Variants in COL19A1 observed in about 807,000 individuals in gnomAD.
The protein encoded by COL19A1 is collagen alpha-1(XIX) chain.
In COL19A1, 159 loss-of-function variants were observed where a neutral mutation model predicts 190.2. The ratio of observed to expected loss-of-function variants is 0.84; its 90% CI spans 0.73 to 0.95. The LOEUF is 0.95. Among genes scored for constraint, COL19A1 ranks in the 40% least tolerant of loss-of-function variants. COL19A1 has a pLI of 0.00. For missense variants in COL19A1, 1,418 were observed against 1,431.9 expected (o/e 0.99, Z 0.16); for synonymous variants, 509 against 458.9 (o/e 1.11, Z -1.39).
intron 9 of COL19A1, among the ~76,000 whole-genome samples, chr6:69,958,726 A>T (rs1268601443): frequency 2.0e-5 from 3 of 152,142 alleles, no homozygotes; most frequent in Non-Finnish European, 4.4e-5. Flanking sequence ...CAATCTTTAA[A>T]ATAATATGTG....
rs1468033059 is a variant in COL19A1, at chr6:70,039,759, TG to T, written c.1170+3821del. ...CTTTATGATGTTTTTGGGGAAGTAT[TG>T]TTTTTTTTTTTTTTTCTTTTGAGAC... On this transcript the variant is annotated intron_variant, in intron 14 of 50. Transcript: ENST00000620364. Among the ~76,000 whole-genome samples the T allele has an allele frequency of 5.2e-4, 74 of 142,026 alleles. 1 individual carries two copies. Among genetic ancestry groups the T allele is most frequent in the Middle Eastern group, 3.5e-3 (1 of 284 alleles). The allele number at this position is 142,026 out of a possible 152,430, so 93.2% of individuals were successfully genotyped here.
intron 34 of COL19A1, among the ~76,000 whole-genome samples, chr6:70,161,593 T>C (rs923266810): frequency 2.0e-5 from 3 of 152,060 alleles, no homozygotes; most frequent in African/African-American, 7.2e-5. Flanking sequence ...AGGCGAGGTG[T>C]GAAGGATGAA....
intron 15 of COL19A1, chr6:70,098,658 C>T: frequency 3.2e-6 from 1 of 309,324 alleles, no homozygotes. Flanking sequence ...CAACACTTTT[C>T]AAACGATGGC....
intron 2 of COL19A1, among the ~76,000 whole-genome samples, chr6:69,892,172 T>A (rs1396177030): frequency 6.6e-6 from 1 of 152,118 alleles, no homozygotes; most frequent in Non-Finnish European, 1.5e-5. Context: ...AACCTCCGAG[T>A]GGTGGGTATC....
At chr6:70,115,976 C>T (rs1043960774) in intron 16 of COL19A1, among the ~76,000 whole-genome samples, 3 of 151,758 alleles carry the variant, frequency 2.0e-5, no homozygotes, top group Admixed American at 6.6e-5. Context: ...AAAAAAATTT[C>T]ATTTTGAGTA....
intron 46 of COL19A1, 72 bp from the exon 47 acceptor site, chr6:70,188,003 C>T: frequency 1.3e-6 from 2 of 1,562,482 alleles, no homozygotes; most frequent in Admixed American, 3.8e-5. Context: ...CAGTATGAAT[C>T]CAGAACTTTT....
intron 11 of COL19A1, 114 bp from the exon 12 acceptor site, chr6:70,023,513 G>C: frequency 1.3e-6 from 1 of 786,220 alleles, no homozygotes; most frequent in Non-Finnish European, 2.0e-6. Context: ...TGCCTTTCAA[G>C]GGTTTAGCAA....
At chr6:70,016,342 T>G (rs1481032401) in intron 11 of COL19A1, among the ~76,000 whole-genome samples, 2 of 85,716 alleles carry the variant, frequency 2.3e-5, no homozygotes, top group Non-Finnish European at 4.1e-5. Context: ...AATGTGCACA[T>G]GTACCCTAAA....
At chr6:70,090,948 T>C (rs1386174894) in intron 15 of COL19A1, among the ~76,000 whole-genome samples, 1 of 152,186 alleles carries the variant, frequency 6.6e-6, no homozygotes, top group Non-Finnish European at 1.5e-5. Flanking sequence ...TGGATGCACC[T>C]GGATGCTCTT....
At position 70,058,466 on chromosome 6, in the gene COL19A1, C is replaced by T. The variant is rs540768437; in HGVS notation, c.1171-9957C>T. On this transcript the variant is annotated intron_variant, in intron 14 of 50. Coordinates refer to ENST00000620364, the MANE Select transcript of COL19A1 (RefSeq NM_001858.6). ...TCTAGCACAGCTCTTCCTATTCTCT[C>T]TTATCAGTGCTTCCGGGGAGATTTG... Among the ~76,000 whole-genome samples the T allele has an allele frequency of 1.9e-3, 284 of 152,126 alleles. 5 individuals carry two copies. The highest frequency in any genetic ancestry group is 6.6e-3 in the African/African-American group (274 of 41,558).
At chr6:70,172,266 A>T (rs1765543561) in intron 41 of COL19A1, among the ~76,000 whole-genome samples, 1 of 152,224 alleles carries the variant, frequency 6.6e-6, no homozygotes, top group Admixed American at 6.5e-5. Context: ...AAGGAGGATC[A>T]GGAATGCTGA....
chr6:70,031,271 A>T (rs1416616111), intron 12 of COL19A1, among the ~76,000 whole-genome samples: 1 of 151,792 alleles, frequency 6.6e-6, no homozygotes, highest in Admixed American at 6.6e-5. Context: ...CATGAGGTAC[A>T]TGAGAATTTT....
chr6:70,195,159 A>ATATG (rs1554226204), intron 48 of COL19A1, among the ~76,000 whole-genome samples: 5 of 147,944 alleles, frequency 3.4e-5, no homozygotes, highest in African/African-American at 1.2e-4. Flanking sequence ...ATATATATAT[A>ATATG]TATAAAGAGT....
In COL19A1 at chr6:70,107,946, C is replaced by T. The variant is rs140433553; in HGVS notation, c.1278+5724C>T. On this transcript the variant is annotated intron_variant, in intron 16 of 50. Transcript: ENST00000620364. ...ATAAAAGCTTGTCTTTTTTAAAAAC[C>T]TTCCAGTTATCTGAGTAGCATAAGC... Among the ~76,000 whole-genome samples, 330 of 152,236 alleles carry T rather than the reference C, an allele frequency of 2.2e-3. 2 individuals are homozygous for T. The highest frequency in any genetic ancestry group is 6.4e-3 in the African/African-American group (268 of 41,552).
intron 14 of COL19A1, among the ~76,000 whole-genome samples, chr6:70,048,116 G>A: frequency 6.6e-6 from 1 of 152,048 alleles, no homozygotes; most frequent in Non-Finnish European, 1.5e-5. Flanking sequence ...GTTCCTTGGA[G>A]CCCACATAAA....
At chr6:70,061,328 A>G (rs1273826376) in intron 14 of COL19A1, among the ~76,000 whole-genome samples, 1 of 152,140 alleles carries the variant, frequency 6.6e-6, no homozygotes, top group African/African-American at 2.4e-5. Context: ...TTGGTCTTGG[A>G]TCATTCAAAG....
chr6:70,089,525 G>A (rs186624668), intron 15 of COL19A1, among the ~76,000 whole-genome samples: 100 of 152,290 alleles, frequency 6.6e-4, no homozygotes, highest in Non-Finnish European at 1.1e-3. Context: ...TGTTTCTCCT[G>A]CAAGGTCTTT....
intron 11 of COL19A1, among the ~76,000 whole-genome samples, chr6:70,021,540 T>C (rs1562093153): frequency 6.6e-6 from 1 of 152,216 alleles, no homozygotes; most frequent in Non-Finnish European, 1.5e-5. Flanking sequence ...GAACATATTT[T>C]GTATTGGTAT....
In COL19A1 at chr6:70,207,398, C is replaced by G; in HGVS notation, c.*124C>G. The G allele has an allele frequency of 1.0e-6, 1 of 996,564 alleles. No individual in the cohort carries two copies. The highest frequency in any genetic ancestry group is 1.4e-6 in the Non-Finnish European group (1 of 734,780). The allele number at this position is 996,564 out of a possible 1,614,324, so 61.7% of individuals were successfully genotyped here. On this transcript the variant is annotated 3_prime_UTR_variant, in exon 51 of 51. Transcript: ENST00000620364. ...TTTTTTTTTTTTTTTGGGAGTAAGCCAGGCATTAAAAGCAACCGTTTGAAT... is the reference window on the plus strand; with the variant it reads ...TTTTTTTTTTTTTTTGGGAGTAAGCGAGGCATTAAAAGCAACCGTTTGAAT...
Sources: gnomAD v4.1 joint callset for allele counts (sites outside exome capture counted in the v4.1 genomes callset) on GRCh38, gnomAD v4.1.1 for gene constraint, MANE v1.5 for transcripts, NCBI Gene and HGNC (gene_info 2026-07-23, HGNC 2026-07-21) for gene names.